The following CADM2 variants were observed in gnomAD, a reference collection of about 807,000 sequenced individuals.
CADM2 encodes cell adhesion molecule 2.
CADM2 carries 12 observed loss-of-function variants against 49.8 expected under a neutral mutation model. The observed-to-expected ratio is 0.24, with a 90% CI of 0.15 to 0.39. CADM2 has a LOEUF of 0.39. CADM2 is among the 10% of genes least tolerant of loss of function. The probability of loss-of-function intolerance (pLI) is 1.00; values close to 1 mark genes in which losing one functional copy is unlikely to be tolerated. For missense variants in CADM2, 378 were observed against 492.3 expected, an observed-to-expected ratio of 0.77 and a Z score of 2.20; for synonymous variants, 214 against 175.4, an observed-to-expected ratio of 1.22 and a Z score of -1.74.
At chr3:84,968,180 A>G (rs187736234) in intron 1 of CADM2, among the ~76,000 whole-genome samples, 417 of 151,980 alleles carry the variant, frequency 2.7e-3, no homozygotes, top group African/African-American at 8.8e-3. Context: ...GCCCTTCTGT[A>G]TACAAATGTT....
chr3:85,149,816 T>C (rs1559689759), intron 1 of CADM2, among the ~76,000 whole-genome samples: 1 of 152,256 alleles, frequency 6.6e-6, no homozygotes, highest in Non-Finnish European at 1.5e-5. Context: ...GTTCAAATCG[T>C]CTGCATAAAA....
chr3:85,116,154 C>T (rs2038630177), intron 1 of CADM2, among the ~76,000 whole-genome samples: 2 of 152,086 alleles, frequency 1.3e-5, no homozygotes, highest in Admixed American at 1.3e-4. Flanking sequence ...TGGTGAAACC[C>T]AGTCTCTACT....
chr3:85,230,981 C>A (rs1391948592), intron 1 of CADM2, among the ~76,000 whole-genome samples: 1 of 150,826 alleles, frequency 6.6e-6, no homozygotes, highest in Non-Finnish European at 1.5e-5. Context: ...CGAAGTGTTG[C>A]ATGTTTGTTT....
At chr3:85,756,406 T>G (rs1172416086) in intron 2 of CADM2, among the ~76,000 whole-genome samples, 1 of 152,202 alleles carries the variant, frequency 6.6e-6, no homozygotes, top group African/African-American at 2.4e-5. Context: ...GATCCTTATC[T>G]ACATATATAC....
intron 1 of CADM2, among the ~76,000 whole-genome samples, chr3:85,587,054 T>G (rs1026873188): frequency 6.6e-6 from 1 of 152,094 alleles, no homozygotes; most frequent in Non-Finnish European, 1.5e-5. Context: ...ATTTGAAGTT[T>G]TATTCTTATT....
intron 9 of CADM2, 34 bp downstream of exon 9, chr3:86,065,764 G>A (rs1463510154): frequency 1.2e-6 from 2 of 1,605,494 alleles, no homozygotes; most frequent in South Asian, 1.1e-5. Flanking sequence ...CACAATGTGG[G>A]CAAAATATTC....
chr3:85,782,762 A>G (rs1395612435), intron 2 of CADM2, among the ~76,000 whole-genome samples: 1 of 152,170 alleles, frequency 6.6e-6, no homozygotes, highest in Non-Finnish European at 1.5e-5. Flanking sequence ...AAACTTGCTT[A>G]GAAACAATAC....
intron 8 of CADM2, among the ~76,000 whole-genome samples, chr3:86,035,456 G>A (rs907257576): frequency 5.3e-5 from 8 of 151,842 alleles, no homozygotes; most frequent in African/African-American, 1.9e-4. Context: ...GATCAGTTCT[G>A]AGATCACGTT....
At chr3:85,166,078 C>G (rs1323171537) in intron 1 of CADM2, among the ~76,000 whole-genome samples, 2 of 151,548 alleles carry the variant, frequency 1.3e-5, no homozygotes, top group Non-Finnish European at 3.0e-5. Flanking sequence ...AAAATACAGG[C>G]TCAAGATCAT....
At chr3:85,837,271 A>G (rs2074453375) in intron 3 of CADM2, among the ~76,000 whole-genome samples, 1 of 151,662 alleles carries the variant, frequency 6.6e-6, no homozygotes, top group Non-Finnish European at 1.5e-5. Flanking sequence ...AAATAAAGGG[A>G]AAATAAGCAT....
chr3:85,063,394 C>A (rs745641908), intron 1 of CADM2, among the ~76,000 whole-genome samples: 1 of 151,786 alleles, frequency 6.6e-6, no homozygotes, highest in Non-Finnish European at 1.5e-5. Flanking sequence ...TAAAGAAAAG[C>A]CTTTAGTGTT....
In CADM2 at chr3:85,998,890, T is replaced by G. The variant is rs183907429; in HGVS notation, c.970+37243T>G. On this transcript the variant is annotated intron_variant, in intron 8 of 9. Coordinates refer to ENST00000383699, the MANE Select transcript of CADM2 (RefSeq NM_001167675.2). ...TTGGGAAAGTAAAATTGACAGATTT[T>G]TTAACCAATTAAGTAAGAAATTTTA... Among the ~76,000 whole-genome samples the G allele has an allele frequency of 2.0e-5, 3 of 152,294 alleles. No homozygotes were observed. In the East Asian group the frequency reaches 5.8e-4, roughly 29 times the overall value.
At chr3:85,521,138 A>T (rs752984152) in intron 1 of CADM2, among the ~76,000 whole-genome samples, 4 of 152,160 alleles carry the variant, frequency 2.6e-5, no homozygotes, top group Non-Finnish European at 5.9e-5. Context: ...GAGAAAGCCT[A>T]TGTAAATCCA....
chr3:85,553,635 G>C (rs541580167), intron 1 of CADM2, among the ~76,000 whole-genome samples: 1 of 152,286 alleles, frequency 6.6e-6, no homozygotes, highest in East Asian at 1.9e-4. Context: ...ACTCCAGGAA[G>C]AGTATTTTTG....
chr3:85,511,488 C>G (rs183969216), intron 1 of CADM2, among the ~76,000 whole-genome samples: 1 of 152,046 alleles, frequency 6.6e-6, no homozygotes, highest in East Asian at 1.9e-4. Context: ...TGTAGTAACA[C>G]CAGAAATAAT....
intron 3 of CADM2, among the ~76,000 whole-genome samples, chr3:85,837,225 C>G (rs2074451654): frequency 6.6e-6 from 1 of 151,536 alleles, no homozygotes; most frequent in Admixed American, 6.6e-5. Context: ...ATCTGGGGAT[C>G]TCTGCTTCAC....
intron 1 of CADM2, among the ~76,000 whole-genome samples, chr3:85,187,597 G>C (rs1470807603): frequency 1.3e-5 from 2 of 152,042 alleles, no homozygotes; most frequent in African/African-American, 4.8e-5. Context: ...TGGCCTGAAA[G>C]AGCCAAGGTA....
At chr3:85,872,961 C>A (rs954943933) in intron 3 of CADM2, among the ~76,000 whole-genome samples, 5 of 152,088 alleles carry the variant, frequency 3.3e-5, no homozygotes, top group African/African-American at 9.7e-5. Context: ...ATACCACAGA[C>A]TGGGTAATTT....
chr3:85,815,150 G>A (rs1036082130), intron 3 of CADM2, among the ~76,000 whole-genome samples: 2 of 151,982 alleles, frequency 1.3e-5, no homozygotes, highest in East Asian at 1.9e-4. Flanking sequence ...ATTCACAGCC[G>A]AATTCTACAA....
Sources: gnomAD v4.1 joint callset for allele counts (sites outside exome capture counted in the v4.1 genomes callset) on GRCh38, gnomAD v4.1.1 for gene constraint, MANE v1.5 for transcripts, NCBI Gene and HGNC (gene_info 2026-07-23, HGNC 2026-07-21) for gene names.